Variants in ZFPM2 observed in about 807,000 individuals in gnomAD.
The protein encoded by ZFPM2 is zinc finger protein ZFPM2.
A neutral mutation model predicts 98.6 loss-of-function variants in ZFPM2; 20 were observed. That is an observed-to-expected ratio of 0.20 (90% CI 0.14 to 0.29). The LOEUF (loss-of-function observed/expected upper bound fraction) is 0.29. ZFPM2 is among the 10% of genes least tolerant of loss of function. The probability of loss-of-function intolerance (pLI) is 1.00; values close to 1 mark genes in which losing one functional copy is unlikely to be tolerated. For synonymous variants in ZFPM2, 518 were observed against 502.7 expected (o/e 1.03, Z -0.41); for missense variants, 1,310 against 1,388.6 (o/e 0.94, Z 0.90).
intron 3 of ZFPM2, among the ~76,000 whole-genome samples, chr8:105,558,577 T>G (rs1418013703): frequency 6.6e-5 from 10 of 152,198 alleles, no homozygotes; most frequent in Non-Finnish European, 1.2e-4. Context: ...GCCCCAAGTT[T>G]GTAGTTCTTA....
At chr8:105,694,055 C>A (rs1313039820) in intron 5 of ZFPM2, among the ~76,000 whole-genome samples, 1 of 139,330 alleles carries the variant, frequency 7.2e-6, no homozygotes. Flanking sequence ...GGTGCGATCT[C>A]GGCTCACTGC....
intron 3 of ZFPM2, among the ~76,000 whole-genome samples, chr8:105,447,103 G>A (rs959227220): frequency 1.8e-4 from 27 of 151,504 alleles, no homozygotes; most frequent in Non-Finnish European, 4.4e-5. Context: ...TTTACTGATG[G>A]TTACCCCATT....
intron 5 of ZFPM2, among the ~76,000 whole-genome samples, chr8:105,751,596 T>G (rs1054648164): frequency 1.3e-5 from 2 of 152,088 alleles, no homozygotes; most frequent in African/African-American, 4.8e-5. Context: ...CTTCATCTTA[T>G]TTACTGCAAA....
chr8:105,502,911 G>A (rs533997851), intron 3 of ZFPM2, among the ~76,000 whole-genome samples: 3 of 152,224 alleles, frequency 2.0e-5, no homozygotes, highest in South Asian at 4.2e-4. Flanking sequence ...ATTGGCTTAC[G>A]AGCAGGTGGT....
At chr8:105,534,036 C>T (rs1273921721) in intron 3 of ZFPM2, among the ~76,000 whole-genome samples, 3 of 47,778 alleles carry the variant, frequency 6.3e-5, no homozygotes, top group Admixed American at 2.1e-4. Flanking sequence ...TCCTCCCTCC[C>T]TCCCTCCCTT....
At chr8:105,799,521 C>G (rs1813936544) in intron 7 of ZFPM2, among the ~76,000 whole-genome samples, 1 of 151,890 alleles carries the variant, frequency 6.6e-6, no homozygotes, top group African/African-American at 2.4e-5. Context: ...TTTTAAAATC[C>G]CTTAAGAAAA....
chr8:105,420,223 TTGTG>T (rs1236108943), intron 2 of ZFPM2, among the ~76,000 whole-genome samples: 1 of 152,134 alleles, frequency 6.6e-6, no homozygotes, highest in Non-Finnish European at 1.5e-5. Flanking sequence ...AAGTGGACTT[TTGTG>T]TGTGTGTATG....
chr8:105,549,841 T>TGGGCTC (rs1814809414), intron 3 of ZFPM2, among the ~76,000 whole-genome samples: 1 of 151,936 alleles, frequency 6.6e-6, no homozygotes, highest in Non-Finnish European at 1.5e-5. Flanking sequence ...CTCAAACTCC[T>TGGGCTC]GGGCTCACAC....
intron 4 of ZFPM2, among the ~76,000 whole-genome samples, chr8:105,566,553 C>T (rs1815247719): frequency 6.6e-6 from 1 of 152,112 alleles, no homozygotes; most frequent in African/African-American, 2.4e-5. Flanking sequence ...GACAAAGATC[C>T]TTGCAATAAA....
At chr8:105,676,430 C>G (rs1257217793) in intron 5 of ZFPM2, among the ~76,000 whole-genome samples, 1 of 152,040 alleles carries the variant, frequency 6.6e-6, no homozygotes, top group Non-Finnish European at 1.5e-5. Context: ...AAACTTTTTT[C>G]TTCTCCTAAA....
At chr8:105,638,585 T>C (rs976013200) in intron 5 of ZFPM2, among the ~76,000 whole-genome samples, 1 of 152,110 alleles carries the variant, frequency 6.6e-6, no homozygotes, top group Middle Eastern at 3.2e-3. Context: ...TGTTTACAAA[T>C]AGAAGATAAA....
chr8:105,724,160 C>T (rs1478313683), intron 5 of ZFPM2, among the ~76,000 whole-genome samples: 2 of 151,836 alleles, frequency 1.3e-5, no homozygotes, highest in East Asian at 3.9e-4. Context: ...CCTGCACTCA[C>T]ATAAAACCTG....
At chr8:105,497,550 C>T (rs1300811650) in intron 3 of ZFPM2, among the ~76,000 whole-genome samples, 1 of 152,048 alleles carries the variant, frequency 6.6e-6, no homozygotes, top group Admixed American at 6.6e-5. Context: ...AATGGAAATT[C>T]TCTGCCCATA....
rs142196353 is a variant in ZFPM2, at chr8:105,549,884, G to A, written c.302-11479G>A. ...CTGCCTTGGCCTCCCAAAGCACTGGGATTACAGACATGAGCCATTGCACCC... is the reference window on the plus strand; with the variant it reads ...CTGCCTTGGCCTCCCAAAGCACTGGAATTACAGACATGAGCCATTGCACCC... On this transcript the variant is annotated intron_variant, in intron 3 of 7. Coordinates refer to ENST00000407775, the MANE Select transcript of ZFPM2 (RefSeq NM_012082.4). Among the ~76,000 whole-genome samples the A allele has an allele frequency of 3.0e-3, 453 of 152,002 alleles. 2 individuals carry two copies. Among genetic ancestry groups the A allele is most frequent in the African/African-American group, 0.01 (425 of 41,448 alleles).
intron 3 of ZFPM2, among the ~76,000 whole-genome samples, chr8:105,532,356 T>C (rs1010994203): frequency 2.6e-5 from 4 of 152,190 alleles, no homozygotes; most frequent in African/African-American, 9.7e-5. Flanking sequence ...CTAGATAAAC[T>C]TTGCAAGTTT....
intron 5 of ZFPM2, among the ~76,000 whole-genome samples, chr8:105,750,747 G>C (rs1812456119): frequency 6.6e-6 from 1 of 152,052 alleles, no homozygotes; most frequent in African/African-American, 2.4e-5. Context: ...AACGTTGGCA[G>C]AGCACAACCA....
intron 5 of ZFPM2, among the ~76,000 whole-genome samples, chr8:105,693,787 G>T (rs1268506851): frequency 1.3e-5 from 2 of 151,686 alleles, no homozygotes; most frequent in Non-Finnish European, 2.9e-5. Flanking sequence ...ACTAATATTT[G>T]TACATATTTA....
At chr8:105,513,358 C>CTA (rs1274813606) in intron 3 of ZFPM2, among the ~76,000 whole-genome samples, 1 of 152,138 alleles carries the variant, frequency 6.6e-6, no homozygotes, top group East Asian at 1.9e-4. Context: ...GTGGTTTAGA[C>CTA]ATTCTCTGTT....
At chr8:105,760,003 G>A (rs934595100) in intron 5 of ZFPM2, among the ~76,000 whole-genome samples, 8 of 152,016 alleles carry the variant, frequency 5.3e-5, no homozygotes, top group African/African-American at 9.7e-5. Context: ...TAATTCAGAG[G>A]TCAGCCGATG....
Sources: gnomAD v4.1 joint callset for allele counts (sites outside exome capture counted in the v4.1 genomes callset) on GRCh38, gnomAD v4.1.1 for gene constraint, MANE v1.5 for transcripts, NCBI Gene and HGNC (gene_info 2026-07-23, HGNC 2026-07-21) for gene names.